The following PCDHA1 variants were observed in gnomAD, a reference collection of about 807,000 sequenced individuals.
PCDHA1 encodes the protein protocadherin alpha 1.
PCDHA1 carries 42 observed loss-of-function variants against 61.3 expected under a neutral mutation model. The ratio of observed to expected loss-of-function variants is 0.69; its 90% confidence interval spans 0.54 to 0.89. The LOEUF (loss-of-function observed/expected upper bound fraction) is 0.89. Ranked by LOEUF, PCDHA1 falls within the 40% of genes least tolerant of loss-of-function variation. The pLI is 0.00. For synonymous variants in PCDHA1, 610 were observed against 553.8 expected, an observed-to-expected ratio of 1.10 and a Z score of -1.43; for missense variants, 1,256 against 1,235.3, an observed-to-expected ratio of 1.02 and a Z score of -0.25.
chr5:140,822,397 C>T (rs113016935), intron 1 of PCDHA1: 2 of 1,613,862 alleles, frequency 1.2e-6, no homozygotes, highest in African/African-American at 2.7e-5. Context: ...ACAAGAACAC[C>T]GTTTATTAGT....
At chr5:140,823,895 C>T (rs1767916685) in intron 1 of PCDHA1, 4 of 1,613,856 alleles carry the variant, frequency 2.5e-6, no homozygotes, top group Non-Finnish European at 3.4e-6. Flanking sequence ...TGTGCGGTGT[C>T]CAGCCTGCTG....
chr5:140,920,612 G>A (rs1389841013), intron 1 of PCDHA1, among the ~76,000 whole-genome samples: 3 of 152,092 alleles, frequency 2.0e-5, no homozygotes, highest in Non-Finnish European at 2.9e-5. Flanking sequence ...TTGGGAGGCC[G>A]AGGCGGATGG....
chr5:140,942,497 G>A (rs189402882), intron 1 of PCDHA1, among the ~76,000 whole-genome samples: 1 of 152,040 alleles, frequency 6.6e-6, no homozygotes, highest in Admixed American at 6.6e-5. Context: ...TAAATACATG[G>A]TATCTAGGAA....
chr5:140,844,211 T>C (rs1162021656), intron 1 of PCDHA1, among the ~76,000 whole-genome samples: 1 of 149,836 alleles, frequency 6.7e-6, no homozygotes, highest in African/African-American at 2.4e-5. Flanking sequence ...TGTCTGGTAG[T>C]CACAAATATC....
chr5:140,789,637 C>A (rs1302317230), intron 1 of PCDHA1, among the ~76,000 whole-genome samples: 1 of 152,252 alleles, frequency 6.6e-6, no homozygotes, highest in South Asian at 2.1e-4. Context: ...CATGTATTTG[C>A]TATTTCGGGG....
intron 1 of PCDHA1, chr5:140,859,239 A>G (rs1025873150): frequency 1.3e-5 from 2 of 152,746 alleles, no homozygotes; most frequent in Admixed American, 1.3e-4. Flanking sequence ...AGTCATGCTT[A>G]TGTTTAATAA....
rs922814873 is a variant in PCDHA1, at chr5:140,802,598, C to A, written c.2394+13914C>A. 3.7e-6 allele frequency: 6 copies of A among 1,613,984 alleles called. No homozygotes were observed. Among genetic ancestry groups the A allele is most frequent in the Middle Eastern group, 3.3e-4 (2 of 6,016 alleles). ...AGTACACGGTGTTCGTGAAGGAGAA[C>A]AACCCGCCGGGCTGCCACATCTTCA... is the stretch of plus-strand genomic sequence containing the variant. On this transcript the variant is annotated intron_variant, in intron 1 of 3. Coordinates refer to ENST00000504120, the MANE Select transcript of PCDHA1 (RefSeq NM_018900.4).
At chr5:140,947,811 A>G (rs1554218329) in intron 1 of PCDHA1, among the ~76,000 whole-genome samples, 1 of 151,582 alleles carries the variant, frequency 6.6e-6, no homozygotes, top group Admixed American at 6.6e-5. Flanking sequence ...TGCAGAGACT[A>G]TTTCTTCCTT....
At chr5:140,972,091 C>G (rs1169233514) in intron 1 of PCDHA1, among the ~76,000 whole-genome samples, 3 of 152,164 alleles carry the variant, frequency 2.0e-5, no homozygotes, top group African/African-American at 4.8e-5. Context: ...AGAGTAATTT[C>G]TGGCATAGAA....
rs2150457668 is a variant in PCDHA1 at position 140,849,921 on chromosome 5, A to T, written c.2394+61237A>T. The T allele has an allele frequency of 1.2e-5, 19 of 1,598,094 alleles. 1 individual carries two copies. Among genetic ancestry groups the T allele is most frequent in the Non-Finnish European group, 1.5e-5 (17 of 1,167,772 alleles). Reference sequence around the variant, plus strand: ...CAACCCGCCGGGCTGCCACATCTTCACGGTGTCTGCGCGGGACGCTGACGC... The same window carrying T: ...CAACCCGCCGGGCTGCCACATCTTCTCGGTGTCTGCGCGGGACGCTGACGC... On this transcript the variant is annotated intron_variant, in intron 1 of 3. Transcript: ENST00000504120.
rs183786609 is a variant in PCDHA1, at chr5:140,896,576, C to T, written c.2395-82373C>T. ...ATTTTAAGTAGAGATGGGGTTTTGA[C>T]GTGTTGGCCAGGCTGGTCTCGAACT... On this transcript the variant is annotated intron_variant, in intron 1 of 3. Transcript: ENST00000504120. Among the ~76,000 whole-genome samples the T allele has an allele frequency of 3.4e-4, 51 of 151,254 alleles. No individual in the cohort carries two copies. The East Asian group carries it at 4.9e-3, about 14-fold the overall frequency.
intron 1 of PCDHA1, chr5:140,800,969 C>G: frequency 2.4e-6 from 3 of 1,230,718 alleles, no homozygotes; most frequent in East Asian, 2.9e-5. Flanking sequence ...AAAGAAGATA[C>G]GTTTACATAT....
chr5:140,790,207 C>A (rs1360598758), intron 1 of PCDHA1, among the ~76,000 whole-genome samples: 3 of 152,134 alleles, frequency 2.0e-5, no homozygotes, highest in African/African-American at 7.2e-5. Flanking sequence ...TACTGGGCAG[C>A]ACGTTTTATA....
rs2150496669 is a variant in PCDHA1 at position 140,850,740 on chromosome 5, T to A, written c.2394+62056T>A. 3.1e-6 allele frequency: 5 copies of A among 1,597,562 alleles called. 1 individual carries two copies. The highest frequency in any genetic ancestry group is 3.4e-6 in the Non-Finnish European group (4 of 1,167,476). On this transcript the variant is annotated intron_variant, in intron 1 of 3. Coordinates refer to ENST00000504120, the MANE Select transcript of PCDHA1 (RefSeq NM_018900.4). Reference sequence around the variant, plus strand: ...GTGTTCTAGCGCGGTGGGGAGTTGGTCGTACTCGCAGCAGAGGAGGCAGAG... The same window carrying A: ...GTGTTCTAGCGCGGTGGGGAGTTGGACGTACTCGCAGCAGAGGAGGCAGAG...
intron 1 of PCDHA1, chr5:140,834,959 T>C (rs2150229473): frequency 6.6e-7 from 1 of 1,526,094 alleles, no homozygotes; most frequent in South Asian, 1.2e-5. Flanking sequence ...TAAAACCTCT[T>C]GGACTTGTAT....
At chr5:140,914,944 C>CTTTT (rs35695909) in intron 1 of PCDHA1, among the ~76,000 whole-genome samples, 1 of 128,266 alleles carries the variant, frequency 7.8e-6, no homozygotes, top group South Asian at 2.5e-4. Context: ...GAAAAGTTGT[C>CTTTT]TTTTTTTTTT....
chr5:140,826,252 A>G (rs1768870468), intron 1 of PCDHA1, among the ~76,000 whole-genome samples: 1 of 152,224 alleles, frequency 6.6e-6, no homozygotes, highest in African/African-American at 2.4e-5. Context: ...ATCTCTTTAT[A>G]TATCAAGTCT....
At position 140,809,150 on chromosome 5, in the gene PCDHA1, G is replaced by A. The variant is rs1554125029; in HGVS notation, c.2394+20466G>A. 4 of 1,613,976 alleles carry A rather than the reference G, an allele frequency of 2.5e-6. No individual in the cohort carries two copies. In the South Asian group the frequency reaches 4.4e-5, roughly 18 times the overall value. On this transcript the variant is annotated intron_variant, in intron 1 of 3. Transcript: ENST00000504120. ...CCTACTGGTACTGGTGAAGGACCAC[G>A]GCGAGCCCGCGCTGACGGCCACGGC... is the stretch of plus-strand genomic sequence containing the variant.
chr5:140,820,961 T>A (rs1033413867), intron 1 of PCDHA1, among the ~76,000 whole-genome samples: 6 of 152,032 alleles, frequency 3.9e-5, no homozygotes, highest in Non-Finnish European at 7.4e-5. Context: ...AGTTTTTGAG[T>A]CAATACAAAA....
Sources: gnomAD v4.1 joint callset for allele counts (sites outside exome capture counted in the v4.1 genomes callset) on GRCh38, gnomAD v4.1.1 for gene constraint, MANE v1.5 for transcripts, NCBI Gene and HGNC (gene_info 2026-07-23, HGNC 2026-07-21) for gene names.